CCND3: variants seen among roughly 807,000 people sequenced by gnomAD.
CCND3 encodes the protein cyclin D3.
A neutral mutation model predicts 28.7 loss-of-function variants in CCND3; 9 were observed. The observed-to-expected ratio is 0.31, with a 90% CI of 0.19 to 0.55. CCND3 has a LOEUF of 0.55. Ranked by LOEUF, CCND3 falls within the 20% of genes least tolerant of loss-of-function variation. CCND3 has a pLI of 0.93. For synonymous variants in CCND3, 164 were observed against 163.9 expected (o/e 1.00, Z 0.00); for missense variants, 315 against 385.8 (o/e 0.82, Z 1.54).
chr6:41,981,074 A>G (rs1409801240), intron 1 of CCND3, among the ~76,000 whole-genome samples: 1 of 152,240 alleles, frequency 6.6e-6, no homozygotes, highest in Non-Finnish European at 1.5e-5. Context: ...GGGAGGGAAG[A>G]AATAAAATTA....
rs796587523 is a variant in CCND3, at chr6:41,991,456, T to C, written c.-45-50871A>G. ...ACCAGTTTGTTTCTTTTTAATTTAG[T>C]ATAATTGTATTTTTTAATTGATACA... On this transcript the variant is annotated intron_variant, in intron 1 of 4. Transcript: ENST00000372988. Among the ~76,000 whole-genome samples, 46 of 152,356 alleles carry C rather than the reference T, an allele frequency of 3.0e-4. 1 individual carries two copies. The highest frequency in any genetic ancestry group is 1.1e-3 in the African/African-American group (45 of 41,582).
At chr6:41,960,165 T>C (rs1472522142) in intron 1 of CCND3, among the ~76,000 whole-genome samples, 1 of 152,120 alleles carries the variant, frequency 6.6e-6, no homozygotes, top group Non-Finnish European at 1.5e-5. Context: ...TTCCACTTAT[T>C]TGGAACATCC....
chr6:41,935,673 C>G lies in CCND3; in HGVS notation c.*267G>C. On this transcript the variant is annotated 3_prime_UTR_variant, in exon 5 of 5. Transcript: ENST00000372991. ...TATGTATCCAATTCTGTCCCATCAG[C>G]CTGGCCCACCCCCAGCTAGAGTTGG... 1 of 542,648 alleles carries G rather than the reference C, an allele frequency of 1.8e-6. No individual in the cohort carries two copies. Among genetic ancestry groups the G allele is most frequent in the Non-Finnish European group, 3.3e-6 (1 of 301,490 alleles). The allele number at this position is 542,648 out of a possible 1,614,324, so 33.6% of individuals were successfully genotyped here.
chr6:41,936,603 C>T lies in CCND3; in HGVS notation c.667G>A (p.Asp223Asn). The T allele has an allele frequency of 1.2e-6, 2 of 1,614,216 alleles. No individual in the cohort carries two copies. Among genetic ancestry groups the T allele is most frequent in the South Asian group, 1.1e-5 (1 of 91,092 alleles). ...QGLGACSMSGDELTELLAGIT... is the reference protein window; with the variant it reads ...QGLGACSMSGNELTELLAGIT... Reference sequence around the variant, plus strand: ...CCTGCCAGCAGCTCTGTGAGCTCATCCCCGGACATGGAGCAGGCACCCAGG... The same window carrying T: ...CCTGCCAGCAGCTCTGTGAGCTCATTCCCGGACATGGAGCAGGCACCCAGG... The change falls in exon 4 of 5, where the codon GAT becomes AAT. Residue 223 changes from aspartate (D) to asparagine (N), a missense_variant. Physicochemically the swap from Asp to Asn is conservative, Grantham distance 23. Coordinates refer to ENST00000372991, the MANE Select transcript of CCND3 (RefSeq NM_001760.5). The surrounding 1 kb of genome is among the most constrained non-coding windows in gnomAD (Gnocchi z 4.4).
In CCND3 at chr6:41,939,120, C is replaced by G. The variant is rs1423877659; in HGVS notation, c.414+1250G>C. Reference sequence around the variant, plus strand: ...CACCTTCAGACTTGCCAAAAACTACCAGATTCATCACAAAGAGCTGTGGCG... The same window carrying G: ...CACCTTCAGACTTGCCAAAAACTACGAGATTCATCACAAAGAGCTGTGGCG... On this transcript the variant is annotated intron_variant, in intron 2 of 4. Transcript: ENST00000372991. The surrounding 1 kb of genome is among the most constrained non-coding windows in gnomAD (Gnocchi z 4.2). Among the ~76,000 whole-genome samples the G allele has an allele frequency of 6.6e-6, 1 of 152,164 alleles. No individual in the cohort carries two copies. Among genetic ancestry groups the G allele is most frequent in the Non-Finnish European group, 1.5e-5 (1 of 68,028 alleles).
At chr6:42,022,260 A>G (rs1394363371) in intron 1 of CCND3, among the ~76,000 whole-genome samples, 1 of 152,196 alleles carries the variant, frequency 6.6e-6, no homozygotes, top group Non-Finnish European at 1.5e-5. Flanking sequence ...ACTTTCTCCT[A>G]TAATGTCTTT....
chr6:42,020,805 G>A (rs1033989655), intron 1 of CCND3, among the ~76,000 whole-genome samples: 3 of 152,126 alleles, frequency 2.0e-5, no homozygotes, highest in Admixed American at 2.0e-4. Flanking sequence ...AGGCTGGAGC[G>A]CAATGGCATG....
At chr6:42,018,255 C>G (rs1763585585) in intron 1 of CCND3, among the ~76,000 whole-genome samples, 1 of 151,796 alleles carries the variant, frequency 6.6e-6, no homozygotes, top group African/African-American at 2.4e-5. Flanking sequence ...TGCAGTGGCA[C>G]AATCTCGGCT....
chr6:41,981,805 T>A (rs1018907713), intron 1 of CCND3, among the ~76,000 whole-genome samples: 2 of 151,786 alleles, frequency 1.3e-5, no homozygotes, highest in Non-Finnish European at 2.9e-5. Flanking sequence ...ATTACAGGCC[T>A]GAGCCACTGT....
At chr6:41,979,370 A>T (rs1223848509) in intron 1 of CCND3, among the ~76,000 whole-genome samples, 2 of 151,170 alleles carry the variant, frequency 1.3e-5, no homozygotes, top group African/African-American at 4.9e-5. Flanking sequence ...CGTCTCTATT[A>T]AAAAATACAA....
upstream of CCND3, chr6:42,048,991 A>G (rs990754554): frequency 2.0e-5 from 4 of 196,498 alleles, no homozygotes; most frequent in Non-Finnish European, 4.0e-5. The surrounding 1 kb of genome is among the most constrained non-coding windows in gnomAD (Gnocchi z 4.7). Context: ...CAACTCCTCC[A>G]CGTGCTATCC....
rs189495487 is a variant in CCND3, at chr6:41,981,439, G to A, written c.-45-40854C>T. Among the ~76,000 whole-genome samples, 521 of 151,850 alleles carry A rather than the reference G, an allele frequency of 3.4e-3. 3 individuals carry two copies. The highest frequency in any genetic ancestry group is 0.012 in the African/African-American group (476 of 41,380). On this transcript the variant is annotated intron_variant, in intron 1 of 4. Coordinates refer to the CCND3 transcript ENST00000372988. ...AGGCTGGTCTGGAGCTCCTGACCTC[G>A]TGATCCACCTGCTTCGGCCTCTGGA... is the stretch of plus-strand genomic sequence containing the variant.
At chr6:41,937,459 A>C in intron 2 of CCND3, 65 bp from the exon 3 acceptor site, 1 of 1,579,484 alleles carries the variant, frequency 6.3e-7, no homozygotes, top group South Asian at 1.1e-5. Flanking sequence ...GCAAAGCAGA[A>C]GTCTCAAAGT....
intron 1 of CCND3, among the ~76,000 whole-genome samples, chr6:42,005,545 A>G (rs1763152838): frequency 1.3e-4 from 6 of 46,738 alleles, no homozygotes; most frequent in African/African-American, 8.5e-4. Context: ...TGTCTCAAAA[A>G]AAAAAAAAAA....
intron 1 of CCND3, among the ~76,000 whole-genome samples, chr6:42,009,768 C>T (rs1199780328): frequency 6.6e-6 from 1 of 152,118 alleles, no homozygotes; most frequent in African/African-American, 2.4e-5. Flanking sequence ...GATTGTGCCA[C>T]TGAACTCCAG....
intron 1 of CCND3, chr6:42,018,477 C>T (rs1486644443): frequency 6.6e-6 from 1 of 152,106 alleles, no homozygotes; most frequent in Non-Finnish European, 1.5e-5. Context: ...TTCTCTGTAT[C>T]GTTCCAATTT....
At chr6:42,000,549 C>G (rs932574755) in intron 1 of CCND3, among the ~76,000 whole-genome samples, 6 of 126,458 alleles carry the variant, frequency 4.7e-5, no homozygotes, top group African/African-American at 1.8e-4. Context: ...TTTCTAATAA[C>G]TGGGTGAAAC....
chr6:41,965,074 T>C (rs1761849082), intron 1 of CCND3, among the ~76,000 whole-genome samples: 1 of 143,734 alleles, frequency 7.0e-6, no homozygotes, highest in South Asian at 2.3e-4. Flanking sequence ...TTTTTTTTTT[T>C]TTTTTTTTTT....
intron 1 of CCND3, among the ~76,000 whole-genome samples, chr6:41,971,037 C>T (rs1179980985): frequency 6.6e-6 from 1 of 152,120 alleles, no homozygotes; most frequent in Non-Finnish European, 1.5e-5. Flanking sequence ...CCTGCCGCAG[C>T]CTCCCGAGTA....
Sources: gnomAD v4.1 joint callset for allele counts (sites outside exome capture counted in the v4.1 genomes callset) on GRCh38, gnomAD v4.1.1 for gene constraint, Gnocchi (gnomAD v3.1) non-coding constraint, MANE v1.5 for transcripts, NCBI Gene and HGNC (gene_info 2026-07-23, HGNC 2026-07-21) for gene names.